The following PTPRM variants were observed in gnomAD, a reference collection of about 807,000 sequenced individuals.
PTPRM encodes the protein receptor-type tyrosine-protein phosphatase mu.
A neutral mutation model predicts 186.7 loss-of-function variants in PTPRM; 47 were observed. The observed-to-expected ratio is 0.25, with a 90% CI of 0.20 to 0.32. The LOEUF (loss-of-function observed/expected upper bound fraction) is 0.32, where lower values mean the gene tolerates loss of function less well. PTPRM is among the 10% of genes least tolerant of loss of function. The pLI, the probability that PTPRM is intolerant of heterozygous loss-of-function variation, is 1.00. For synonymous variants in PTPRM, 668 were observed against 674.9 expected, an observed-to-expected ratio of 0.99 and a Z score of 0.16; for missense variants, 1,494 against 1,865.0, an observed-to-expected ratio of 0.80 and a Z score of 3.66.
intron 2 of PTPRM, among the ~76,000 whole-genome samples, chr18:7,877,059 A>G (rs1233365968): frequency 6.6e-6 from 1 of 152,218 alleles, no homozygotes. Flanking sequence ...GCTATTATCA[A>G]TTCCCATATT....
At position 7,773,883 on chromosome 18, in the gene PTPRM, T is replaced by C. The variant is rs1461196797; in HGVS notation, c.74-266T>C. ...GCATGAGCCACCATGCCCGGCCAGA[T>C]CTTACCTTCAGCTGGCTTCTACCAA... On this transcript the variant is annotated intron_variant, in intron 1 of 32. Transcript: ENST00000580170. 5.3e-5 allele frequency among the ~76,000 whole-genome samples: 8 copies of C among 152,278 alleles called. No homozygotes were observed. The South Asian group carries it at 1.0e-3, about 20-fold the overall frequency.
At chr18:8,265,220 C>T (rs2094686229) in intron 19 of PTPRM, among the ~76,000 whole-genome samples, 1 of 152,210 alleles carries the variant, frequency 6.6e-6, no homozygotes, top group Non-Finnish European at 1.5e-5. Flanking sequence ...CCATTAATCT[C>T]ACTCAGGGTC....
At chr18:7,995,099 C>A (rs772813095) in intron 7 of PTPRM, among the ~76,000 whole-genome samples, 5 of 151,032 alleles carry the variant, frequency 3.3e-5, no homozygotes, top group South Asian at 4.2e-4. Flanking sequence ...AGAAAAGACC[C>A]AAAAAAAATT....
At chr18:7,901,725 G>A (rs978126298) in intron 3 of PTPRM, among the ~76,000 whole-genome samples, 2 of 152,150 alleles carry the variant, frequency 1.3e-5, no homozygotes, top group African/African-American at 4.8e-5. Flanking sequence ...TCTCTCAATG[G>A]TTGGGTGTTT....
intron 20 of PTPRM, among the ~76,000 whole-genome samples, chr18:8,300,237 A>G (rs541810811): frequency 6.6e-6 from 1 of 152,262 alleles, no homozygotes; most frequent in African/African-American, 2.4e-5. Context: ...AATCAGGAAA[A>G]GACCTCTCAG....
At chr18:7,844,459 C>T (rs1306365801) in intron 2 of PTPRM, among the ~76,000 whole-genome samples, 1 of 152,110 alleles carries the variant, frequency 6.6e-6, no homozygotes, top group African/African-American at 2.4e-5. Context: ...ACTAAAGAGA[C>T]AAGTTATCTC....
chr18:7,760,227 A>G lies in PTPRM; in HGVS notation c.74-13922A>G, dbSNP rs1442465274. Reference sequence around the variant, plus strand: ...TTTTCTATTATAGCCACTTTCCCCAACAGTCCACCTGATCTAACCTTAATT... The same window carrying G: ...TTTTCTATTATAGCCACTTTCCCCAGCAGTCCACCTGATCTAACCTTAATT... On this transcript the variant is annotated intron_variant, in intron 1 of 32. Coordinates refer to ENST00000580170, the MANE Select transcript of PTPRM (RefSeq NM_001105244.2). Among the ~76,000 whole-genome samples, 4 of 152,312 alleles carry G rather than the reference A, an allele frequency of 2.6e-5. No individual in the cohort carries two copies. The South Asian group carries it at 8.3e-4, about 32-fold the overall frequency.
chr18:8,241,355 T>A (rs1479395053), intron 14 of PTPRM, among the ~76,000 whole-genome samples: 1 of 151,536 alleles, frequency 6.6e-6, no homozygotes, highest in Non-Finnish European at 1.5e-5. Context: ...AAATAAAAAA[T>A]TAAAATTAAA....
At chr18:7,722,354 T>A (rs4797301) in intron 1 of PTPRM, among the ~76,000 whole-genome samples, 94,883 of 151,992 alleles carry the variant, frequency 0.62, 31,195 homozygotes, top group East Asian at 0.99. Context: ...ATTTGAAAAG[T>A]TAGACTTTTA....
intron 14 of PTPRM, among the ~76,000 whole-genome samples, chr18:8,224,248 G>A (rs1281822314): frequency 6.6e-6 from 1 of 152,194 alleles, no homozygotes; most frequent in Non-Finnish European, 1.5e-5. Context: ...ACTGCCACCT[G>A]AGTAGGCTCC....
chr18:7,688,539 T>TA (rs2039661359), intron 1 of PTPRM, among the ~76,000 whole-genome samples: 1 of 152,144 alleles, frequency 6.6e-6, no homozygotes, highest in Non-Finnish European at 1.5e-5. Context: ...GGTTAGGTGT[T>TA]GGGTAAAACT....
At chr18:7,738,407 G>C (rs2040816654) in intron 1 of PTPRM, among the ~76,000 whole-genome samples, 1 of 152,012 alleles carries the variant, frequency 6.6e-6, no homozygotes, top group Non-Finnish European at 1.5e-5. Flanking sequence ...TGTTGGATGA[G>C]ACAAAATTTC....
chr18:7,568,033 C>A lies in PTPRM; in HGVS notation c.73+142C>A. 2.6e-6 allele frequency: 2 copies of A among 775,510 alleles called. No individual in the cohort carries two copies. The highest frequency in any genetic ancestry group is 3.6e-6 in the Non-Finnish European group (2 of 559,870). 48.0% of individuals were successfully genotyped at this position (775,510 alleles called of 1,614,324 possible). On this transcript the variant is annotated intron_variant, in intron 1 of 32. Transcript: ENST00000580170. This position sits in a 1 kb window ranked among gnomAD's most constrained non-coding sequence, Gnocchi z 5.1. ...CGCGGCGGGCCGGACACCGCTTCTG[C>A]CTGTGAGCCGGGCGCTGGGCGAGGG...
At chr18:7,593,267 A>G (rs576077400) in intron 1 of PTPRM, among the ~76,000 whole-genome samples, 2 of 152,326 alleles carry the variant, frequency 1.3e-5, no homozygotes, top group Admixed American at 6.5e-5. Flanking sequence ...AAGAATTAAC[A>G]TAATAAATAA....
chr18:8,309,924 A>G (rs73939429), intron 20 of PTPRM, among the ~76,000 whole-genome samples: 6,876 of 152,210 alleles, frequency 0.045, 521 homozygotes, highest in African/African-American at 0.16. Flanking sequence ...GACTATTGAC[A>G]TTTAAGGAAG....
intron 7 of PTPRM, among the ~76,000 whole-genome samples, chr18:8,029,505 C>G (rs980987324): frequency 6.6e-6 from 1 of 152,204 alleles, no homozygotes; most frequent in South Asian, 2.1e-4. Flanking sequence ...CTCTTCTAGT[C>G]TTAGCTGGAG....
At chr18:7,601,603 A>G (rs1567976673) in intron 1 of PTPRM, among the ~76,000 whole-genome samples, 3 of 152,132 alleles carry the variant, frequency 2.0e-5, no homozygotes, top group Non-Finnish European at 4.4e-5. Flanking sequence ...CTCTGGGTTT[A>G]TTCTCTTCTG....
chr18:8,202,481 A>T (rs185537029), intron 14 of PTPRM, among the ~76,000 whole-genome samples: 59 of 152,322 alleles, frequency 3.9e-4, no homozygotes, highest in African/African-American at 1.3e-3. Flanking sequence ...TATGGCATGC[A>T]GAAATTTCTC....
At chr18:7,901,984 T>C (rs545285576) in intron 3 of PTPRM, among the ~76,000 whole-genome samples, 2 of 152,206 alleles carry the variant, frequency 1.3e-5, no homozygotes, top group South Asian at 4.1e-4. Context: ...AGTTGTTGCT[T>C]CAAACTTGTG....
Sources: gnomAD v4.1 joint callset for allele counts (sites outside exome capture counted in the v4.1 genomes callset) on GRCh38, gnomAD v4.1.1 for gene constraint, Gnocchi (gnomAD v3.1) non-coding constraint, MANE v1.5 for transcripts, NCBI Gene and HGNC (gene_info 2026-07-23, HGNC 2026-07-21) for gene names.